PAPPA: variants seen among roughly 807,000 people sequenced by gnomAD.
PAPPA encodes the protein pappalysin-1.
Under a neutral mutation model 164.0 loss-of-function variants are expected in PAPPA, and 60 were observed. That is an observed-to-expected ratio of 0.37 (90% CI 0.30 to 0.45). PAPPA has a LOEUF of 0.45. Among genes scored for constraint, PAPPA ranks in the 20% least tolerant of loss-of-function variants. The pLI is 1.00. For missense variants in PAPPA, 1,782 were observed against 2,087.3 expected (o/e 0.85, Z 2.85); for synonymous variants, 875 against 814.1 (o/e 1.07, Z -1.27).
intron 10 of PAPPA, among the ~76,000 whole-genome samples, chr9:116,323,057 G>A (rs1333155973): frequency 6.6e-6 from 1 of 152,204 alleles, no homozygotes; most frequent in Non-Finnish European, 1.5e-5. Context: ...TGTCCCCTGT[G>A]TGGGAAAATA....
intron 14 of PAPPA, 115 bp from the exon 15 acceptor site, chr9:116,346,911 A>G (rs1246601658): frequency 2.9e-6 from 2 of 697,454 alleles, no homozygotes; most frequent in Non-Finnish European, 4.8e-6. Flanking sequence ...AACACTAAGC[A>G]TTGGTCTCCT....
chr9:116,187,781 G>T lies in PAPPA; in HGVS notation c.1043G>T (p.Arg348Leu). The T allele has an allele frequency of 6.2e-7, 1 of 1,614,202 alleles. No homozygotes were observed. Among genetic ancestry groups the T allele is most frequent in the African/African-American group, 1.3e-5 (1 of 75,058 alleles). ...IASYNQLSSF[R>L]QPKVVRYRVV... ...AGCTACAATCAGCTCTCAAGTTTCC[G>T]CCAGCCCAAGGTGGTGCGCTACCGC... Residue 348 changes from arginine (R) to leucine (L), a missense_variant, in exon 2 of 22, where the codon CGC becomes CTC. Arg to Leu is a moderately radical substitution (Grantham distance 102). Transcript: ENST00000328252. This position sits in a 1 kb window ranked among gnomAD's most constrained non-coding sequence, Gnocchi z 4.2.
intron 6 of PAPPA, 44 bp from the exon 7 acceptor site, chr9:116,235,095 A>C (rs749687340): frequency 6.2e-7 from 1 of 1,612,098 alleles, no homozygotes; most frequent in South Asian, 1.1e-5. Flanking sequence ...GATGGGAATA[A>C]AGCTCTTTCC....
chr9:116,229,843 G>A (rs1844568159), intron 6 of PAPPA, among the ~76,000 whole-genome samples: 2 of 152,186 alleles, frequency 1.3e-5, no homozygotes, highest in East Asian at 1.9e-4. Flanking sequence ...AGAATGGAGA[G>A]AAGTTTATGG....
rs1844207161 is a variant in PAPPA at position 116,204,401 on chromosome 9, G to A, written c.1479-3055G>A. 2.0e-5 allele frequency among the ~76,000 whole-genome samples: 3 copies of A among 152,224 alleles called. No individual in the cohort carries two copies. The South Asian group carries it at 6.2e-4, about 32-fold the overall frequency. Reference sequence around the variant, plus strand: ...TTTGATTGATTTTTCTGGGAAGTGAGTAATGTTTGTTTGCTTTTGGTTTTG... The same window carrying A: ...TTTGATTGATTTTTCTGGGAAGTGAATAATGTTTGTTTGCTTTTGGTTTTG... On this transcript the variant is annotated intron_variant, in intron 2 of 21. Transcript: ENST00000328252.
At chr9:116,393,063 C>A (rs1244598347) in intron 21 of PAPPA, among the ~76,000 whole-genome samples, 1 of 152,118 alleles carries the variant, frequency 6.6e-6, no homozygotes, top group Non-Finnish European at 1.5e-5. Context: ...AAAGGTGACA[C>A]CACCCCAGCA....
intron 1 of PAPPA, among the ~76,000 whole-genome samples, chr9:116,184,659 C>T (rs566581795): frequency 2.0e-5 from 3 of 152,130 alleles, no homozygotes; most frequent in Admixed American, 6.5e-5. Flanking sequence ...TTGCCCCATA[C>T]GTACAACTAG....
rs914654954 is a variant in PAPPA, at chr9:116,322,795, T to C, written c.3148-8449T>C. Reference sequence around the variant, plus strand: ...CTGGCTGGCTGTGTGTGTGTGTGTGTGTGTCTGTGTTTGTGTGTGTTGCAC... The same window carrying C: ...CTGGCTGGCTGTGTGTGTGTGTGTGCGTGTCTGTGTTTGTGTGTGTTGCAC... On this transcript the variant is annotated intron_variant, in intron 10 of 21. Transcript: ENST00000328252. Among the ~76,000 whole-genome samples the C allele has an allele frequency of 1.2e-3, 184 of 152,254 alleles. 1 individual carries two copies. Among genetic ancestry groups the C allele is most frequent in the African/African-American group, 4.2e-3 (173 of 41,548 alleles).
rs1846978658 is a variant in PAPPA at position 116,397,352 on chromosome 9, T to C, written c.*736T>C. 1 of 152,654 alleles carries C rather than the reference T, an allele frequency of 6.6e-6. No individual in the cohort carries two copies. Among genetic ancestry groups the C allele is most frequent in the African/African-American group, 2.4e-5 (1 of 41,444 alleles). 9.5% of individuals were successfully genotyped at this position (152,654 alleles called of 1,614,324 possible). ...ATCTGAGAATGGCTTAGGATTGCAATGTCAAGGTATTATATCAGCCCCTTG... is the reference window on the plus strand; with the variant it reads ...ATCTGAGAATGGCTTAGGATTGCAACGTCAAGGTATTATATCAGCCCCTTG... On this transcript the variant is annotated 3_prime_UTR_variant, in exon 22 of 22. Coordinates refer to ENST00000328252, the MANE Select transcript of PAPPA (RefSeq NM_002581.5).
Position 116,367,632 on chromosome 9 carries a change from G to A in PAPPA, c.4496-13G>A. 2 of 1,602,588 alleles carry A rather than the reference G, an allele frequency of 1.2e-6. No individual in the cohort carries two copies. Among genetic ancestry groups the A allele is most frequent in the Middle Eastern group, 1.7e-4 (1 of 6,038 alleles). Reference sequence around the variant, plus strand: ...TCGGGCCTGAGCTGCGCCTCATGCTGTACTTCCCTCAGGGTCGGAGTGTGC... The same window carrying A: ...TCGGGCCTGAGCTGCGCCTCATGCTATACTTCCCTCAGGGTCGGAGTGTGC... On this transcript the variant is annotated splice_polypyrimidine_tract_variant and intron_variant, in intron 18 of 21. Coordinates refer to ENST00000328252, the MANE Select transcript of PAPPA (RefSeq NM_002581.5).
chr9:116,375,708 CA>C (rs1392100139), intron 19 of PAPPA, among the ~76,000 whole-genome samples: 2 of 152,170 alleles, frequency 1.3e-5, no homozygotes, highest in East Asian at 3.9e-4. Flanking sequence ...ACAGCCTCAC[CA>C]AGAGGCCTAA....
chr9:116,164,507 A>G (rs1843699942), intron 1 of PAPPA, among the ~76,000 whole-genome samples: 3 of 152,186 alleles, frequency 2.0e-5, no homozygotes. Flanking sequence ...TAAGACATAA[A>G]AGCTGGTCAG....
chr9:116,331,121 TCC>T, intron 10 of PAPPA, 121 bp from the exon 11 acceptor site: 1 of 633,048 alleles, frequency 1.6e-6, no homozygotes, highest in Non-Finnish European at 2.8e-6. Flanking sequence ...GGTCTTTTCA[TCC>T]CTGTTTTTTC....
chr9:116,238,940 T>C (rs1051379790), intron 7 of PAPPA, among the ~76,000 whole-genome samples: 1 of 152,212 alleles, frequency 6.6e-6, no homozygotes, highest in Non-Finnish European at 1.5e-5. Context: ...ATTTTGCTGC[T>C]TTCACATTTT....
At position 116,257,926 on chromosome 9, in the gene PAPPA, ATG is replaced by A. The variant is rs1042211670; in HGVS notation, c.2733-7917_2733-7916del. ...AATAAACCTACACGTAATTATGTGT[ATG>A]TGTGTGTGTGTGTAAATAGCTAGAT... is the stretch of plus-strand genomic sequence containing the variant. On this transcript the variant is annotated intron_variant, in intron 7 of 21. Coordinates refer to ENST00000328252, the MANE Select transcript of PAPPA (RefSeq NM_002581.5). Among the ~76,000 whole-genome samples the A allele has an allele frequency of 4.0e-5, 6 of 151,306 alleles. No homozygotes were observed. The South Asian group carries it at 8.4e-4, about 21-fold the overall frequency.
intron 7 of PAPPA, among the ~76,000 whole-genome samples, chr9:116,239,224 C>T (rs1844708540): frequency 6.6e-6 from 1 of 152,114 alleles, no homozygotes; most frequent in East Asian, 1.9e-4. Flanking sequence ...TTACTTTTGG[C>T]CAGGACCAGA....
intron 13 of PAPPA, among the ~76,000 whole-genome samples, chr9:116,343,905 C>T (rs1012894674): frequency 2.6e-5 from 4 of 151,986 alleles, no homozygotes; most frequent in African/African-American, 4.8e-5. Flanking sequence ...GGATTACAGG[C>T]GCCTGCCACC....
chr9:116,348,285 G>C (rs1174992592), intron 15 of PAPPA, among the ~76,000 whole-genome samples: 1 of 151,388 alleles, frequency 6.6e-6, no homozygotes, highest in Non-Finnish European at 1.5e-5. Flanking sequence ...GGATCTACTG[G>C]CAGCAAGGAC....
rs773356642 is a variant in PAPPA at position 116,335,055 on chromosome 9, T to C, written c.3592T>C (p.Tyr1198His). The change falls in exon 13 of 22, where the codon TAC becomes CAC. Residue 1198 changes from tyrosine (Y) to histidine (H), a missense_variant. Around this residue, in one of 2 missense-constraint regions of PAPPA, gnomAD observed 1,324 missense variants for 1,656.9 expected, o/e 0.80. Transcript: ENST00000328252. ...GAGCAGCTGCCAGAGAGGGGAGACC[T>C]ACAGCCCTGCCGAGCAGAGGTAAGG... is the stretch of plus-strand genomic sequence containing the variant. The part of the protein sequence containing the change: ...TLSSCQRGET[Y>H]SPAEQSCVHF... 1.2e-6 allele frequency: 2 copies of C among 1,613,090 alleles called. No homozygotes were observed. Among genetic ancestry groups the C allele is most frequent in the African/African-American group, 2.7e-5 (2 of 74,870 alleles).
Sources: allele counts gnomAD v4.1 joint callset (sites outside exome capture counted in the v4.1 genomes callset), GRCh38; gene constraint gnomAD v4.1.1; regional missense constraint gnomAD v4.1.1; non-coding constraint Gnocchi (gnomAD v3.1); transcripts MANE v1.5; gene names NCBI Gene and HGNC (gene_info 2026-07-23, HGNC 2026-07-21).